The following GOSR1 variants were observed in gnomAD, a reference collection of about 807,000 sequenced individuals.
GOSR1 encodes the protein golgi SNAP receptor complex member 1.
In GOSR1, 21 loss-of-function variants were observed where a neutral mutation model predicts 35.5. That is an observed-to-expected ratio of 0.59 (90% CI 0.42 to 0.85). The LOEUF is 0.85. Among genes scored for constraint, GOSR1 ranks in the 40% least tolerant of loss-of-function variants. GOSR1 has a pLI of 0.00. For missense variants in GOSR1, 285 were observed against 309.6 expected, an observed-to-expected ratio of 0.92 and a Z score of 0.60; for synonymous variants, 94 against 106.6, an observed-to-expected ratio of 0.88 and a Z score of 0.73.
chr17:30,521,528 A>G (rs549151249), intron 8 of GOSR1, among the ~76,000 whole-genome samples: 13 of 151,658 alleles, frequency 8.6e-5, no homozygotes, highest in Admixed American at 6.6e-4. Context: ...GGAACCTAGC[A>G]TAGCGCCTCA....
rs1297102166 is a variant in GOSR1 at position 30,527,576 on chromosome 17, G to A, written c.*5198G>A. The A allele has an allele frequency of 6.7e-6, 1 of 150,344 alleles. No homozygotes were observed. The highest frequency in any genetic ancestry group is 1.5e-5 in the Non-Finnish European group (1 of 68,046). The allele number at this position is 150,344 out of a possible 1,614,324, so 9.3% of individuals were successfully genotyped here. A position where few individuals can be genotyped will look rare whatever the true frequency, so the allele number is the denominator to read the frequency against. On this transcript the variant is annotated 3_prime_UTR_variant, in exon 9 of 9. Coordinates refer to ENST00000451249, the MANE Select transcript of GOSR1 (RefSeq NM_001007025.2). ...GCATCTCAGCAAAGCCAGGGGTACAGGGCTCACCTGACATAAGAGATATCC... is the reference window on the plus strand; with the variant it reads ...GCATCTCAGCAAAGCCAGGGGTACAAGGCTCACCTGACATAAGAGATATCC...
At chr17:30,497,747 A>T (rs1283229099) in intron 6 of GOSR1, among the ~76,000 whole-genome samples, 1 of 152,172 alleles carries the variant, frequency 6.6e-6, no homozygotes, top group Non-Finnish European at 1.5e-5. Context: ...ATGTCACCTG[A>T]CCCTGATTGT....
Position 30,523,649 on chromosome 17 carries a change from CTG to C in GOSR1, c.*1272_*1273del, listed in dbSNP as rs1968126313. The C allele has an allele frequency of 2.2e-4, 8 of 36,814 alleles. No individual in the cohort carries two copies. In the African/African-American group the frequency reaches 3.4e-3, roughly 16 times the overall value. 2.3% of individuals were successfully genotyped at this position (36,814 alleles called of 1,614,324 possible). On this transcript the variant is annotated 3_prime_UTR_variant, in exon 9 of 9. Coordinates refer to ENST00000451249, the MANE Select transcript of GOSR1 (RefSeq NM_001007025.2). The stretch of plus-strand genomic sequence containing the variant: ...GGGGGGCGCCTCTGCCCGGCCGCCC[CTG>C]CCCGGCCGCCCCTACTGGGAAGTGA...
chr17:30,495,388 T>C (rs1567904890), intron 6 of GOSR1: 1 of 451,430 alleles, frequency 2.2e-6, no homozygotes, highest in Admixed American at 2.4e-5. Context: ...ATAAAATACG[T>C]CTTCTGTATT....
At chr17:30,515,567 A>C (rs997544510) in intron 7 of GOSR1, among the ~76,000 whole-genome samples, 1 of 152,172 alleles carries the variant, frequency 6.6e-6, no homozygotes, top group Non-Finnish European at 1.5e-5. Flanking sequence ...GGGTTATGGC[A>C]ACTCCTTGTA....
chr17:30,517,351 G>T (rs958997372), intron 7 of GOSR1, among the ~76,000 whole-genome samples: 2 of 152,096 alleles, frequency 1.3e-5, no homozygotes. Flanking sequence ...AGTGACAATT[G>T]TGTATCTTAC....
At chr17:30,520,072 G>C in intron 8 of GOSR1, 51 bp downstream of exon 8, 2 of 1,123,378 alleles carry the variant, frequency 1.8e-6, no homozygotes, top group Non-Finnish European at 2.7e-6. Context: ...GAGGGGAGAA[G>C]TGTCTGTGTG....
intron 7 of GOSR1, among the ~76,000 whole-genome samples, chr17:30,519,517 ATTTC>A (rs986633897): frequency 1.6e-4 from 24 of 152,026 alleles, no homozygotes; most frequent in African/African-American, 5.6e-4. Context: ...GATATTTTAT[ATTTC>A]TTTTCTATTT....
chr17:30,485,410 G>T (rs1465123861), intron 4 of GOSR1, among the ~76,000 whole-genome samples: 4 of 152,044 alleles, frequency 2.6e-5, no homozygotes, highest in Non-Finnish European at 5.9e-5. Context: ...GGGACCACAA[G>T]CACATGCCAC....
intron 8 of GOSR1, among the ~76,000 whole-genome samples, chr17:30,520,904 T>A (rs1389010281): frequency 1.3e-5 from 2 of 152,238 alleles, no homozygotes; most frequent in Non-Finnish European, 2.9e-5. Context: ...GATAGGGCTA[T>A]AAAATTTACA....
At chr17:30,481,923 AG>A (rs1287555980) in intron 2 of GOSR1, among the ~76,000 whole-genome samples, 1 of 152,118 alleles carries the variant, frequency 6.6e-6, no homozygotes, top group Non-Finnish European at 1.5e-5. Flanking sequence ...TGAGCCCAGG[AG>A]TTCAAGACTA....
chr17:30,512,881 A>G (rs545902915), intron 7 of GOSR1, among the ~76,000 whole-genome samples: 11 of 152,354 alleles, frequency 7.2e-5, no homozygotes, highest in African/African-American at 2.4e-4. Flanking sequence ...ATATGAGTAT[A>G]AAAACTTGGG....
At chr17:30,519,643 A>T (rs964893302) in intron 7 of GOSR1, 1 of 225,632 alleles carries the variant, frequency 4.4e-6, no homozygotes, top group Non-Finnish European at 8.6e-6. Flanking sequence ...TTAAATTTTA[A>T]GAAGCTTTTG....
Position 30,525,058 on chromosome 17 carries a change from A to G in GOSR1, c.*2680A>G, listed in dbSNP as rs1437116904. The G allele has an allele frequency of 6.6e-6, 1 of 151,604 alleles. No individual in the cohort carries two copies. Among genetic ancestry groups the G allele is most frequent in the Non-Finnish European group, 1.5e-5 (1 of 67,864 alleles). 9.4% of individuals were successfully genotyped at this position (151,604 alleles called of 1,614,324 possible). ...AATTCATGACTTGTCTTACTGAACT[A>G]CAGCCTGGTTTGTAGACTTCCAACA... is the stretch of plus-strand genomic sequence containing the variant. On this transcript the variant is annotated 3_prime_UTR_variant, in exon 9 of 9. Transcript: ENST00000451249.
At chr17:30,477,531 G>C in intron 1 of GOSR1, 67 bp downstream of exon 1, 1 of 1,548,404 alleles carries the variant, frequency 6.5e-7, no homozygotes, top group Non-Finnish European at 8.8e-7. Context: ...GACAGATCTT[G>C]GGAGAAGCAG....
At chr17:30,480,695 T>A (rs1175301845) in intron 1 of GOSR1, among the ~76,000 whole-genome samples, 7 of 149,830 alleles carry the variant, frequency 4.7e-5, no homozygotes, top group Non-Finnish European at 8.8e-5. Context: ...AAGTCCTTGG[T>A]TTCCTTCTTT....
At chr17:30,512,373 A>G (rs1334319540) in intron 7 of GOSR1, among the ~76,000 whole-genome samples, 2 of 152,112 alleles carry the variant, frequency 1.3e-5, no homozygotes, top group Admixed American at 1.3e-4. Context: ...TTTCAGAAAA[A>G]TTTCAGTAGT....
chr17:30,504,780 G>T (rs74546635), intron 6 of GOSR1, among the ~76,000 whole-genome samples: 2 of 152,140 alleles, frequency 1.3e-5, no homozygotes, highest in Non-Finnish European at 2.9e-5. Context: ...GTTCCTTAGC[G>T]TCCATTTCAA....
At chr17:30,516,166 C>G (rs915536502) in intron 7 of GOSR1, among the ~76,000 whole-genome samples, 1 of 152,154 alleles carries the variant, frequency 6.6e-6, no homozygotes, top group African/African-American at 2.4e-5. Context: ...TTAAATAATA[C>G]TAAAACGGAT....
Sources: allele counts gnomAD v4.1 joint callset (sites outside exome capture counted in the v4.1 genomes callset), GRCh38; gene constraint gnomAD v4.1.1; transcripts MANE v1.5; gene names NCBI Gene and HGNC (gene_info 2026-07-23, HGNC 2026-07-21).